Variants in SEZ6L observed in about 807,000 individuals in gnomAD.
SEZ6L encodes seizure related 6 homolog like, also known as seizure 6-like protein.
Under a neutral mutation model 106.2 loss-of-function variants are expected in SEZ6L, and 37 were observed. That is an observed-to-expected ratio of 0.35 (90% CI 0.27 to 0.46). SEZ6L has a LOEUF of 0.46. Among genes scored for constraint, SEZ6L ranks in the 20% least tolerant of loss-of-function variants. The pLI is 1.00. For synonymous variants in SEZ6L, 541 were observed against 570.4 expected, an observed-to-expected ratio of 0.95 and a Z score of 0.73; for missense variants, 1,172 against 1,332.8, an observed-to-expected ratio of 0.88 and a Z score of 1.88.
chr22:26,342,260 T>A (rs1215243445), intron 10 of SEZ6L, among the ~76,000 whole-genome samples: 1 of 152,136 alleles, frequency 6.6e-6, no homozygotes, highest in Non-Finnish European at 1.5e-5. Flanking sequence ...TAGACTGGCA[T>A]CTTGATTTCC....
At chr22:26,270,834 T>C (rs955891227) in intron 1 of SEZ6L, among the ~76,000 whole-genome samples, 1 of 152,090 alleles carries the variant, frequency 6.6e-6, no homozygotes, top group African/African-American at 2.4e-5. Flanking sequence ...GACAACCTGC[T>C]CCCCAGCCTC....
In SEZ6L at chr22:26,226,416, C is replaced by T. The variant is rs187623388; in HGVS notation, c.94+56653C>T. Among the ~76,000 whole-genome samples the T allele has an allele frequency of 8.5e-5, 13 of 152,356 alleles. No homozygotes were observed. In the South Asian group the frequency reaches 1.7e-3, roughly 19 times the overall value. ...GTTCACTTAGTGGCTTCTCAAATTC[C>T]AGCTCAAGCATCAGTTCTGGATAGC... On this transcript the variant is annotated intron_variant, in intron 1 of 16. Transcript: ENST00000248933.
chr22:26,326,194 T>C (rs571511904), intron 9 of SEZ6L, among the ~76,000 whole-genome samples: 4 of 152,286 alleles, frequency 2.6e-5, no homozygotes, highest in African/African-American at 9.6e-5. Context: ...AAGAGCCTAC[T>C]TGGGAGGGGA....
intron 1 of SEZ6L, among the ~76,000 whole-genome samples, chr22:26,290,468 C>T (rs1362630940): frequency 6.6e-6 from 1 of 152,066 alleles, no homozygotes; most frequent in East Asian, 1.9e-4. Flanking sequence ...GGAGGCGGAG[C>T]TTGCAGTGAG....
At chr22:26,172,577 A>G (rs112974744) in intron 1 of SEZ6L, among the ~76,000 whole-genome samples, 135 of 152,252 alleles carry the variant, frequency 8.9e-4, no homozygotes, top group African/African-American at 3.1e-3. Flanking sequence ...GCAGACCTCC[A>G]CTAGGGGCGC....
chr22:26,297,467 G>T (rs192772629), intron 4 of SEZ6L, among the ~76,000 whole-genome samples: 1 of 152,102 alleles, frequency 6.6e-6, no homozygotes, highest in East Asian at 1.9e-4. Flanking sequence ...AAAGTCACAG[G>T]TTCTACTACA....
intron 1 of SEZ6L, among the ~76,000 whole-genome samples, chr22:26,246,618 C>T (rs944234606): frequency 5.9e-5 from 9 of 152,082 alleles, no homozygotes; most frequent in African/African-American, 1.7e-4. Flanking sequence ...AGTTTCAAAC[C>T]CACTCGTGCT....
chr22:26,361,347 AAC>A (rs1491183754), intron 12 of SEZ6L, among the ~76,000 whole-genome samples: 1 of 149,156 alleles, frequency 6.7e-6, no homozygotes, highest in East Asian at 2.0e-4. Flanking sequence ...AAAATACAAA[AAC>A]AAAAAAAATC....
At chr22:26,327,583 C>G (rs186716500) in intron 9 of SEZ6L, among the ~76,000 whole-genome samples, 4,931 of 148,140 alleles carry the variant, frequency 0.033, 107 homozygotes, top group Admixed American at 0.057. Flanking sequence ...CACCACATGA[C>G]ACGACACATG....
intron 1 of SEZ6L, among the ~76,000 whole-genome samples, chr22:26,278,986 G>GATGA (rs1569439892): frequency 2.3e-5 from 1 of 43,866 alleles, no homozygotes; most frequent in Non-Finnish European, 5.0e-5. Flanking sequence ...GGGAGGGAGG[G>GATGA]AGGAAGGAAG....
chr22:26,369,495 C>G (rs1451637312), intron 13 of SEZ6L, among the ~76,000 whole-genome samples: 1 of 151,544 alleles, frequency 6.6e-6, no homozygotes, highest in Admixed American at 6.6e-5. Flanking sequence ...CGCCCGCCAC[C>G]ACACCCGGCT....
At chr22:26,239,676 C>T (rs188231438) in intron 1 of SEZ6L, among the ~76,000 whole-genome samples, 1 of 152,274 alleles carries the variant, frequency 6.6e-6, no homozygotes, top group East Asian at 1.9e-4. Context: ...TCCTCAGATC[C>T]AAGGGGCAAC....
At chr22:26,353,511 C>G (rs1219323770) in intron 12 of SEZ6L, among the ~76,000 whole-genome samples, 1 of 152,218 alleles carries the variant, frequency 6.6e-6, no homozygotes, top group Non-Finnish European at 1.5e-5. Context: ...TACACACATA[C>G]TAAACCTAGC....
At chr22:26,356,938 AT>A (rs1185791110) in intron 12 of SEZ6L, among the ~76,000 whole-genome samples, 1 of 149,030 alleles carries the variant, frequency 6.7e-6, no homozygotes, top group Non-Finnish European at 1.5e-5. Flanking sequence ...CCAACACATC[AT>A]TGTGTTTCCT....
chr22:26,325,055 C>T (rs930321623), intron 9 of SEZ6L, among the ~76,000 whole-genome samples: 3 of 152,164 alleles, frequency 2.0e-5, no homozygotes, highest in African/African-American at 7.2e-5. Flanking sequence ...CATAGACACG[C>T]ATCTCTGCTC....
At chr22:26,314,637 C>T (rs370952350) in intron 9 of SEZ6L, among the ~76,000 whole-genome samples, 20 of 152,318 alleles carry the variant, frequency 1.3e-4, no homozygotes, top group South Asian at 4.1e-4. Context: ...CTTAGCTGTG[C>T]GGCTGGGTTT....
intron 8 of SEZ6L, 75 bp downstream of exon 8, chr22:26,312,037 A>G: frequency 7.1e-7 from 1 of 1,407,896 alleles, no homozygotes; most frequent in South Asian, 1.3e-5. Context: ...CCAAGGCCCC[A>G]GCTTAGAGGC....
At chr22:26,210,215 T>C (rs562971873) in intron 1 of SEZ6L, among the ~76,000 whole-genome samples, 2 of 152,276 alleles carry the variant, frequency 1.3e-5, no homozygotes, top group South Asian at 2.1e-4. Context: ...TCACATTGGT[T>C]CTGATCTGAG....
intron 14 of SEZ6L, among the ~76,000 whole-genome samples, chr22:26,375,024 C>T (rs2084172603): frequency 6.6e-6 from 1 of 152,062 alleles, no homozygotes. Flanking sequence ...CTAGGACGGG[C>T]CCGTCAGTCT....
Sources: allele counts gnomAD v4.1 joint callset (sites outside exome capture counted in the v4.1 genomes callset), GRCh38; gene constraint gnomAD v4.1.1; transcripts MANE v1.5; gene names NCBI Gene and HGNC (gene_info 2026-07-23, HGNC 2026-07-21).